FAM222B: variants seen among roughly 807,000 people sequenced by gnomAD.
The protein encoded by FAM222B is family with sequence similarity 222 member B, also known as protein FAM222B.
In FAM222B, 12 loss-of-function variants were observed where a neutral mutation model predicts 38.0. The observed-to-expected ratio is 0.32, with a 90% CI of 0.20 to 0.51. The LOEUF is 0.51. FAM222B is among the 20% of genes least tolerant of loss of function. FAM222B has a pLI of 0.97. For synonymous variants in FAM222B, 329 were observed against 317.2 expected, an observed-to-expected ratio of 1.04 and a Z score of -0.40; for missense variants, 716 against 754.2, an observed-to-expected ratio of 0.95 and a Z score of 0.59.
intron 1 of FAM222B, among the ~76,000 whole-genome samples, chr17:28,798,034 G>A (rs1046404597): frequency 6.6e-6 from 1 of 152,048 alleles, no homozygotes; most frequent in Non-Finnish European, 1.5e-5. Flanking sequence ...TCCAGCCTGG[G>A]TGACAGTGAG....
intron 1 of FAM222B, among the ~76,000 whole-genome samples, chr17:28,787,001 G>A (rs892249832): frequency 2.1e-5 from 3 of 145,518 alleles, no homozygotes; most frequent in African/African-American, 2.5e-5. Context: ...CTCCGCTCAC[G>A]GCAACCTCCA....
At chr17:28,810,373 C>T (rs753698343) in intron 1 of FAM222B, among the ~76,000 whole-genome samples, 3 of 152,190 alleles carry the variant, frequency 2.0e-5, no homozygotes, top group African/African-American at 7.2e-5. Flanking sequence ...CTAGCTAACT[C>T]TGTTTTATAT....
rs149420771 is a variant in FAM222B, at chr17:28,767,778, A to T, written c.-40-1071T>A. Among the ~76,000 whole-genome samples, 362 of 152,182 alleles carry T rather than the reference A, an allele frequency of 2.4e-3. 3 individuals are homozygous for T. The highest frequency in any genetic ancestry group is 7.8e-3 in the African/African-American group (326 of 41,546). On this transcript the variant is annotated intron_variant, in intron 1 of 2. Transcript: ENST00000581407. ...GTCATGAGCCACCGCACCCGGCCGA[A>T]CTCACTTTTAAATGGAAGGAGGAAA...
At position 28,758,820 on chromosome 17, in the gene FAM222B, G is replaced by T; in HGVS notation, c.1139C>A (p.Ala380Asp). Reference protein sequence around the residue: ...LAHLQQMCSEASGTPAPGLTG... With the variant: ...LAHLQQMCSEDSGTPAPGLTG... ...CAGGCCAGGGGCTGGCGTCCCACTA[G>T]CCTCGCTGCACATCTGCTGTAGGTG... The change falls in exon 3 of 3, where the codon GCT becomes GAT. Residue 380 changes from alanine (A) to aspartate (D), a missense_variant. By Grantham distance (126) the Ala-to-Asp change is moderately radical. Transcript: ENST00000581407. 6.3e-7 allele frequency: 1 copy of T among 1,589,186 alleles called. No individual in the cohort carries two copies. The highest frequency in any genetic ancestry group is 8.6e-7 in the Non-Finnish European group (1 of 1,167,854).
chr17:28,787,467 A>G (rs2151859730), intron 1 of FAM222B, among the ~76,000 whole-genome samples: 1 of 152,262 alleles, frequency 6.6e-6, no homozygotes, highest in Non-Finnish European at 1.5e-5. Context: ...TGTCACTGAG[A>G]CTCACTATAA....
chr17:28,784,532 G>T (rs1402179840), intron 1 of FAM222B, among the ~76,000 whole-genome samples: 1 of 61,278 alleles, frequency 1.6e-5, no homozygotes, highest in Non-Finnish European at 3.9e-5. Context: ...AAAAAAAAAA[G>T]GCAATAATCA....
At chr17:28,803,780 C>A (rs2037349690) in intron 1 of FAM222B, among the ~76,000 whole-genome samples, 2 of 151,916 alleles carry the variant, frequency 1.3e-5, no homozygotes, top group African/African-American at 4.8e-5. Flanking sequence ...GAGTTCAAGA[C>A]CAGCCTGGCC....
At chr17:28,807,163 G>A (rs887482692) in intron 1 of FAM222B, among the ~76,000 whole-genome samples, 2 of 151,676 alleles carry the variant, frequency 1.3e-5, no homozygotes, top group Non-Finnish European at 2.9e-5. Context: ...TTATAGGCAC[G>A]CACCACCACA....
rs541613872 is a variant in FAM222B, at chr17:28,798,833, A to G, written c.-40-32126T>C. On this transcript the variant is annotated intron_variant, in intron 1 of 2. Transcript: ENST00000581407. Reference sequence around the variant, plus strand: ...AGGGTTTCACCGTGTTAGCCAGGATAGTCTCGATCTCCTGACCTCGTGATC... The same window carrying G: ...AGGGTTTCACCGTGTTAGCCAGGATGGTCTCGATCTCCTGACCTCGTGATC... Among the ~76,000 whole-genome samples, 519 of 151,904 alleles carry G rather than the reference A, an allele frequency of 3.4e-3. 3 individuals are homozygous for G. Among genetic ancestry groups the G allele is most frequent in the South Asian group, 7.3e-3 (35 of 4,810 alleles).
intron 1 of FAM222B, among the ~76,000 whole-genome samples, chr17:28,768,980 A>G (rs916587023): frequency 2.0e-5 from 3 of 152,054 alleles, no homozygotes; most frequent in African/African-American, 7.2e-5. Flanking sequence ...ACTGGGAGCT[A>G]AAACTGTGAA....
At chr17:28,833,630 AAAG>A (rs1467260728) in intron 1 of FAM222B, among the ~76,000 whole-genome samples, 5 of 151,478 alleles carry the variant, frequency 3.3e-5, no homozygotes, top group African/African-American at 9.7e-5. Flanking sequence ...AAAAAAAAAA[AAAG>A]AAGTTCACAG....
intron 1 of FAM222B, among the ~76,000 whole-genome samples, chr17:28,779,770 A>AT (rs2036082987): frequency 6.6e-6 from 1 of 151,152 alleles, no homozygotes; most frequent in African/African-American, 2.4e-5. Context: ...AAATAAATAA[A>AT]TAAATAAATA....
intron 1 of FAM222B, among the ~76,000 whole-genome samples, chr17:28,781,364 T>G (rs1169156272): frequency 6.6e-6 from 1 of 151,160 alleles, no homozygotes; most frequent in Non-Finnish European, 1.5e-5. Flanking sequence ...AGAATGGCTA[T>G]TAAAATATAT....
intron 1 of FAM222B, among the ~76,000 whole-genome samples, chr17:28,789,909 T>C (rs978078039): frequency 6.6e-6 from 1 of 152,282 alleles, no homozygotes; most frequent in East Asian, 1.9e-4. Flanking sequence ...AGAGAAGACA[T>C]TGAGTGGGTA....
chr17:28,837,977 G>C (rs974800513), intron 1 of FAM222B, among the ~76,000 whole-genome samples: 2 of 151,194 alleles, frequency 1.3e-5, no homozygotes, highest in African/African-American at 4.9e-5. Flanking sequence ...TAAATAGAAT[G>C]TTTTTAGGCC....
intron 1 of FAM222B, among the ~76,000 whole-genome samples, chr17:28,795,475 C>T (rs2036897913): frequency 1.3e-5 from 2 of 152,194 alleles, no homozygotes; most frequent in South Asian, 4.1e-4. Context: ...CACTCTGTTG[C>T]CCGGGCTGGA....
At chr17:28,813,535 G>GT (rs1043326646) in intron 1 of FAM222B, among the ~76,000 whole-genome samples, 25 of 145,962 alleles carry the variant, frequency 1.7e-4, no homozygotes, top group African/African-American at 2.8e-4. Context: ...TTTTTTTTTT[G>GT]TTTTTTTTGG....
chr17:28,836,614 G>A (rs1005014803), intron 1 of FAM222B, among the ~76,000 whole-genome samples: 3 of 152,098 alleles, frequency 2.0e-5, no homozygotes, highest in Non-Finnish European at 4.4e-5. Context: ...TGAGCAAGCA[G>A]GGGGTACGTG....
chr17:28,769,127 G>A (rs553584064), intron 1 of FAM222B, among the ~76,000 whole-genome samples: 4 of 148,354 alleles, frequency 2.7e-5, no homozygotes, highest in East Asian at 4.0e-4. Flanking sequence ...TCTGTTCCAC[G>A]CTTACCCTTT....
Sources: allele counts gnomAD v4.1 joint callset (sites outside exome capture counted in the v4.1 genomes callset), GRCh38; gene constraint gnomAD v4.1.1; transcripts MANE v1.5; gene names NCBI Gene and HGNC (gene_info 2026-07-23, HGNC 2026-07-21).